Variants in AP1G1 observed in about 807,000 individuals in gnomAD.
AP1G1 encodes the protein AP-1 complex subunit gamma-1.
A neutral mutation model predicts 108.3 loss-of-function variants in AP1G1; 7 were observed. That is an observed-to-expected ratio of 0.06 (90% confidence interval 0.04 to 0.12). AP1G1 has a LOEUF of 0.12. AP1G1 is among the 10% of genes least tolerant of loss of function. The pLI is 1.00. For missense variants in AP1G1, 756 were observed against 1,010.7 expected (o/e 0.75, Z 3.42); for synonymous variants, 379 against 353.5 (o/e 1.07, Z -0.81).
chr16:71,792,077 T>A (rs1417487063), intron 1 of AP1G1, among the ~76,000 whole-genome samples: 1 of 152,040 alleles, frequency 6.6e-6, no homozygotes, highest in African/African-American at 2.4e-5. Flanking sequence ...TAAACTCTTA[T>A]ACAAGGGATG....
In AP1G1 at chr16:71,745,184, A is replaced by C. The variant is rs2030107321; in HGVS notation, c.1959T>G (p.Gly653=). The change falls in exon 19 of 23, where the codon GGT becomes GGG. Residue 653 remains glycine (G), a synonymous_variant. Transcript: ENST00000299980. The stretch of plus-strand genomic sequence containing the variant: ...CTCCCAGCAAATCAAGAAGTTCTCC[A>C]CCAGCAGAAGATGGTTTGCTTGTAG... ...TAPTSKPSSA[G]GELLDLLGDI... is the part of the protein sequence containing the mutation. 6.2e-7 allele frequency: 1 copy of C among 1,613,994 alleles called. No individual in the cohort carries two copies. Among genetic ancestry groups the C allele is most frequent in the Admixed American group, 1.7e-5 (1 of 59,996 alleles).
chr16:71,734,710 A>AG lies in AP1G1; in HGVS notation c.2269-4dup, dbSNP rs1567637985. 4 of 1,611,700 alleles carry AG rather than the reference A, an allele frequency of 2.5e-6. No individual in the cohort carries two copies. Among genetic ancestry groups the AG allele is most frequent in the East Asian group, 2.2e-5 (1 of 44,868 alleles). ...GACAAGAGCTGCAGCTGGAATGTCT[A>AG]GGGGGGAACAAAGGGCACTCTTCAG... is the stretch of plus-strand genomic sequence containing the variant. On this transcript the variant is annotated splice_region_variant and splice_polypyrimidine_tract_variant and intron_variant, in intron 21 of 22. Coordinates refer to ENST00000299980, the MANE Select transcript of AP1G1 (RefSeq NM_001128.6).
rs957454216 is a variant in AP1G1 at position 71,764,808 on chromosome 16, A to C, written c.739-82T>G. ...ACTTGGTATGAAATTCAAATAACTAAATGAAGTCTTAGAAATTCATTTGGA... is the reference window on the plus strand; with the variant it reads ...ACTTGGTATGAAATTCAAATAACTACATGAAGTCTTAGAAATTCATTTGGA... On this transcript the variant is annotated intron_variant, in intron 7 of 22. Transcript: ENST00000299980. 22 of 834,062 alleles carry C rather than the reference A, an allele frequency of 2.6e-5. 1 individual carries two copies. Among genetic ancestry groups the C allele is most frequent in the South Asian group, 5.1e-5 (3 of 58,812 alleles). The allele number at this position is 834,062 out of a possible 1,614,324, so 51.7% of individuals were successfully genotyped here. A position where few individuals can be genotyped will look rare whatever the true frequency, so the allele number is the denominator to read the frequency against.
At position 71,789,342 on chromosome 16, in the gene AP1G1, T is replaced by G. The variant is rs1345029779; in HGVS notation, c.138A>C (p.Arg46=). 6.2e-7 allele frequency: 1 copy of G among 1,614,182 alleles called. No individual in the cohort carries two copies. Among genetic ancestry groups the G allele is most frequent in the Admixed American group, 1.7e-5 (1 of 60,018 alleles). Residue 46 remains arginine (R), a synonymous_variant, in exon 2 of 23, where the codon CGA becomes CGC. Transcript: ENST00000299980. ...ACAGTAATTTTGCCACATTCCGACA[T>G]CGGTATGTATTGTCTTCTTCTCTAA... ...SSFREEDNTY[R]CRNVAKLLYM...
intron 1 of AP1G1, chr16:71,808,261 G>C (rs1344453304): frequency 2.0e-6 from 2 of 1,009,990 alleles, no homozygotes; most frequent in African/African-American, 1.7e-5. Context: ...AGGTTAGAGA[G>C]AGGCGAGGCC....
At chr16:71,755,920 A>C in intron 12 of AP1G1, 99 bp downstream of exon 12, 1 of 1,319,302 alleles carries the variant, frequency 7.6e-7, no homozygotes, top group Non-Finnish European at 1.0e-6. Context: ...CTGAGACTGC[A>C]GGCGTGTGCC....
intron 11 of AP1G1, among the ~76,000 whole-genome samples, chr16:71,756,978 G>GA (rs796228416): frequency 2.6e-3 from 383 of 145,968 alleles, no homozygotes; most frequent in Admixed American, 4.4e-3. Context: ...CCATGAGAAG[G>GA]AAAAAAAAAA....
chr16:71,808,556 T>C (rs1173573726), intron 1 of AP1G1: 9 of 1,288,058 alleles, frequency 7.0e-6, no homozygotes, highest in Admixed American at 4.6e-5. Flanking sequence ...AACCTCCCGG[T>C]CCGAGGCCTC....
intron 9 of AP1G1, among the ~76,000 whole-genome samples, chr16:71,763,301 C>A (rs2031179316): frequency 6.6e-6 from 1 of 152,020 alleles, no homozygotes; most frequent in Admixed American, 6.5e-5. Flanking sequence ...TTCAGAGGCA[C>A]CTGAGAGTAG....
At chr16:71,804,010 GT>G (rs1170780554) in intron 1 of AP1G1, among the ~76,000 whole-genome samples, 1 of 150,414 alleles carries the variant, frequency 6.6e-6, no homozygotes, top group Admixed American at 6.6e-5. Flanking sequence ...AAAGGCAACT[GT>G]AAAAATGCTA....
At chr16:71,754,104 T>G (rs1003034695) in intron 12 of AP1G1, among the ~76,000 whole-genome samples, 1 of 151,854 alleles carries the variant, frequency 6.6e-6, no homozygotes. Context: ...CTGGGTGTGG[T>G]GGTGGGTGCC....
At chr16:71,771,614 C>T (rs2031574833) in intron 4 of AP1G1, among the ~76,000 whole-genome samples, 1 of 152,166 alleles carries the variant, frequency 6.6e-6, no homozygotes, top group Admixed American at 6.5e-5. Flanking sequence ...TCTAGTTCAC[C>T]TCTCCCTTTG....
At chr16:71,733,895 A>G (rs13334255) in intron 22 of AP1G1, among the ~76,000 whole-genome samples, 5,699 of 152,314 alleles carry the variant, frequency 0.037, 353 homozygotes, top group African/African-American at 0.13. Context: ...AGAGAACTCA[A>G]TTAGACACTT....
intron 2 of AP1G1, among the ~76,000 whole-genome samples, chr16:71,782,126 G>A (rs1199743168): frequency 6.6e-6 from 1 of 152,126 alleles, no homozygotes; most frequent in Non-Finnish European, 1.5e-5. Context: ...TATTGCTAAG[G>A]AAAGGCAATA....
At chr16:71,805,255 C>A (rs1176365124) in intron 1 of AP1G1, among the ~76,000 whole-genome samples, 1 of 152,052 alleles carries the variant, frequency 6.6e-6, no homozygotes, top group Non-Finnish European at 1.5e-5. Context: ...CGAGACCAGC[C>A]TAGCCAACAT....
chr16:71,748,202 T>C (rs184359436), intron 16 of AP1G1, 49 bp downstream of exon 16: 1 of 1,575,728 alleles, frequency 6.3e-7, no homozygotes, highest in Non-Finnish European at 8.6e-7. Context: ...TTTTTTTTGT[T>C]TTTTAATTAC....
chr16:71,777,747 G>T, intron 2 of AP1G1: 1 of 443,012 alleles, frequency 2.3e-6, no homozygotes, highest in Non-Finnish European at 4.7e-6. Flanking sequence ...TCTTTCTTTC[G>T]CTCTTTCTGG....
intron 6 of AP1G1, among the ~76,000 whole-genome samples, chr16:71,765,891 T>A (rs1027958231): frequency 2.0e-5 from 3 of 152,190 alleles, no homozygotes; most frequent in Non-Finnish European, 4.4e-5. Context: ...CAGATGCCTA[T>A]GGGGCATACC....
In AP1G1 at chr16:71,756,182, AAC is replaced by A. The variant is rs113936632; in HGVS notation, c.1089-25_1089-24del. 1,037 of 1,597,878 alleles carry A rather than the reference AAC, an allele frequency of 6.5e-4. 11 individuals are homozygous for A. The African/African-American group carries it at 0.012, about 19-fold the overall frequency. ...CGCCTTGCAGAAGGGAAAAATTAAA[AAC>A]AGTTAAGAAATTTATAGTGGAAATG... On this transcript the variant is annotated intron_variant, in intron 11 of 22. Coordinates refer to ENST00000299980, the MANE Select transcript of AP1G1 (RefSeq NM_001128.6).
Sources: allele counts gnomAD v4.1 joint callset (sites outside exome capture counted in the v4.1 genomes callset), GRCh38; gene constraint gnomAD v4.1.1; transcripts MANE v1.5; gene names NCBI Gene and HGNC (gene_info 2026-07-23, HGNC 2026-07-21).